APBA1: variants seen among roughly 807,000 people sequenced by gnomAD.
APBA1 encodes the protein amyloid beta precursor protein binding family A member 1.
A neutral mutation model predicts 86.6 loss-of-function variants in APBA1; 55 were observed. That is an observed-to-expected ratio of 0.64 (90% CI 0.51 to 0.80). The LOEUF (loss-of-function observed/expected upper bound fraction) is 0.80. APBA1 is among the 30% of genes least tolerant of loss of function. APBA1 has a pLI of 0.00. For synonymous variants in APBA1, 511 were observed against 493.9 expected, an observed-to-expected ratio of 1.03 and a Z score of -0.46; for missense variants, 1,090 against 1,183.0, an observed-to-expected ratio of 0.92 and a Z score of 1.15.
At position 69,455,359 on chromosome 9, in the gene APBA1, G is replaced by A. The variant is rs139425390; in HGVS notation, c.1788+888C>T. Among the ~76,000 whole-genome samples, 466 of 152,134 alleles carry A rather than the reference G, an allele frequency of 3.1e-3. 3 individuals are homozygous for A. The highest frequency in any genetic ancestry group is 9.4e-3 in the African/African-American group (391 of 41,512). ...AGGGCTGTGGCCTCCCCTGGGAGGCGGCTTCTGAGGACTGCTGAGGCCCAG... is the reference window on the plus strand; with the variant it reads ...AGGGCTGTGGCCTCCCCTGGGAGGCAGCTTCTGAGGACTGCTGAGGCCCAG... On this transcript the variant is annotated intron_variant, in intron 8 of 12. Coordinates refer to ENST00000265381, the MANE Select transcript of APBA1 (RefSeq NM_001163.4).
At chr9:69,613,188 A>G (rs1311238546) in intron 1 of APBA1, among the ~76,000 whole-genome samples, 1 of 135,636 alleles carries the variant, frequency 7.4e-6, no homozygotes, top group Non-Finnish European at 1.6e-5. Flanking sequence ...ACTGCTACAT[A>G]ACTAAAACTT....
At chr9:69,586,290 A>G (rs1822018122) in intron 1 of APBA1, among the ~76,000 whole-genome samples, 1 of 152,166 alleles carries the variant, frequency 6.6e-6, no homozygotes, top group African/African-American at 2.4e-5. Flanking sequence ...TCAGAATCAG[A>G]TCTCCCTATA....
intron 5 of APBA1, chr9:69,460,631 C>CCACCATCA (rs1373061183): frequency 1.3e-5 from 2 of 151,960 alleles, no homozygotes; most frequent in Non-Finnish European, 2.9e-5. Context: ...GAAATAGGTT[C>CCACCATCA]CACCATCACT....
In APBA1 at chr9:69,484,597, G is replaced by T. The variant is rs190748121; in HGVS notation, c.1201-8454C>A. The stretch of plus-strand genomic sequence containing the variant: ...TGTTCAGCTCAAAAGCACTCATCTT[G>T]CTGAAGCTTCCGCAGACCCTATTCA... On this transcript the variant is annotated intron_variant, in intron 2 of 12. Coordinates refer to ENST00000265381, the MANE Select transcript of APBA1 (RefSeq NM_001163.4). Among the ~76,000 whole-genome samples, 4 of 152,228 alleles carry T rather than the reference G, an allele frequency of 2.6e-5. No homozygotes were observed. In the East Asian group the frequency reaches 7.7e-4, roughly 29 times the overall value.
At chr9:69,651,013 G>C (rs1034645080) in intron 1 of APBA1, among the ~76,000 whole-genome samples, 1 of 152,078 alleles carries the variant, frequency 6.6e-6, no homozygotes, top group Non-Finnish European at 1.5e-5. Context: ...AAATAACCTA[G>C]ATTTCTATCA....
At chr9:69,491,834 A>G (rs1257742954) in intron 2 of APBA1, among the ~76,000 whole-genome samples, 1 of 147,814 alleles carries the variant, frequency 6.8e-6, no homozygotes, top group East Asian at 2.0e-4. Context: ...GTGCGATCTC[A>G]GTTCACTGCA....
intron 1 of APBA1, among the ~76,000 whole-genome samples, chr9:69,659,465 A>G (rs1823708420): frequency 6.6e-6 from 1 of 152,170 alleles, no homozygotes; most frequent in African/African-American, 2.4e-5. Context: ...AGACGGGTTG[A>G]TAATTGCCTA....
At chr9:69,452,055 G>A (rs1358746961) in intron 9 of APBA1, 67 bp downstream of exon 9, 1 of 1,464,646 alleles carries the variant, frequency 6.8e-7, no homozygotes, top group Non-Finnish European at 9.5e-7. Flanking sequence ...CCGCGGCAGG[G>A]TGCCCCACTT....
intron 1 of APBA1, among the ~76,000 whole-genome samples, chr9:69,531,660 T>C (rs1312602970): frequency 6.6e-6 from 1 of 152,114 alleles, no homozygotes; most frequent in Non-Finnish European, 1.5e-5. Flanking sequence ...CCTCTGTAGG[T>C]AAATCAGTAG....
intron 1 of APBA1, among the ~76,000 whole-genome samples, chr9:69,542,949 C>T (rs1369257417): frequency 1.3e-5 from 2 of 152,214 alleles, no homozygotes; most frequent in African/African-American, 2.4e-5. Context: ...AACCAGTTCT[C>T]GTTTTCCTTG....
At chr9:69,578,170 T>C (rs1821843666) in intron 1 of APBA1, among the ~76,000 whole-genome samples, 1 of 152,244 alleles carries the variant, frequency 6.6e-6, no homozygotes, top group East Asian at 1.9e-4. Context: ...AAGGGAGCCC[T>C]TGGCAAAGCC....
intron 1 of APBA1, among the ~76,000 whole-genome samples, chr9:69,641,718 A>G (rs2134008278): frequency 6.6e-6 from 1 of 152,342 alleles, no homozygotes; most frequent in African/African-American, 2.4e-5. Context: ...CTCTCTCACT[A>G]TTCACAAAAA....
At chr9:69,595,736 T>A (rs1353631468) in intron 1 of APBA1, among the ~76,000 whole-genome samples, 1 of 152,168 alleles carries the variant, frequency 6.6e-6, no homozygotes. Flanking sequence ...AGTAGCAGGA[T>A]GTCTAAGGAA....
chr9:69,490,085 T>A (rs1369976756), intron 2 of APBA1, among the ~76,000 whole-genome samples: 1 of 152,044 alleles, frequency 6.6e-6, no homozygotes, highest in African/African-American at 2.4e-5. Flanking sequence ...CAAATGTCCA[T>A]CAATGATAGA....
chr9:69,546,814 G>A (rs1258706780), intron 1 of APBA1, among the ~76,000 whole-genome samples: 1 of 152,184 alleles, frequency 6.6e-6, no homozygotes, highest in Non-Finnish European at 1.5e-5. Flanking sequence ...GGCTGCTGAA[G>A]CTCTTTGTGC....
intron 1 of APBA1, among the ~76,000 whole-genome samples, chr9:69,533,765 ATGAT>A (rs1836467094): frequency 2.0e-5 from 3 of 152,254 alleles, no homozygotes; most frequent in Admixed American, 1.3e-4. Context: ...ACTGATGGAT[ATGAT>A]TCTAAAGTAA....
At position 69,611,567 on chromosome 9, in the gene APBA1, G is replaced by T. The variant is rs535505187; in HGVS notation, c.-70+60586C>A. 5.1e-4 allele frequency among the ~76,000 whole-genome samples: 78 copies of T among 152,244 alleles called. 1 individual carries two copies. The highest frequency in any genetic ancestry group is 1.0e-3 in the Non-Finnish European group (69 of 67,992). ...CCAAACTGGTTTATTCAAAATTTTG[G>T]TCCGCACTCTTCATTAGATTACCCA... On this transcript the variant is annotated intron_variant, in intron 1 of 12. Transcript: ENST00000265381.
intron 1 of APBA1, among the ~76,000 whole-genome samples, chr9:69,645,426 A>G (rs964629779): frequency 7.9e-5 from 12 of 152,198 alleles, no homozygotes; most frequent in African/African-American, 1.2e-4. Flanking sequence ...TCATTTGGCC[A>G]CTCACTGCCT....
intron 9 of APBA1, among the ~76,000 whole-genome samples, chr9:69,450,061 T>TTTTG (rs1554689316): frequency 2.1e-5 from 3 of 144,662 alleles, no homozygotes; most frequent in African/African-American, 8.3e-5. Context: ...CACCAGTTTT[T>TTTTG]TTTTTTTTTT....
Sources: gnomAD v4.1 joint callset for allele counts (sites outside exome capture counted in the v4.1 genomes callset) on GRCh38, gnomAD v4.1.1 for gene constraint, MANE v1.5 for transcripts, NCBI Gene and HGNC (gene_info 2026-07-23, HGNC 2026-07-21) for gene names.